The following XKR4 variants were observed in gnomAD, a reference collection of about 807,000 sequenced individuals.
XKR4 encodes XK-related protein 4.
XKR4 carries 12 observed loss-of-function variants against 53.9 expected under a neutral mutation model. The ratio of observed to expected loss-of-function variants is 0.22; its 90% CI spans 0.14 to 0.36. The LOEUF (loss-of-function observed/expected upper bound fraction) is 0.36. Ranked by LOEUF, XKR4 falls within the 10% of genes least tolerant of loss-of-function variation. The pLI is 1.00. For synonymous variants in XKR4, 354 were observed against 362.4 expected (o/e 0.98, Z 0.26); for missense variants, 799 against 859.5 (o/e 0.93, Z 0.88).
chr8:55,340,690 C>G (rs1050488587), intron 1 of XKR4, among the ~76,000 whole-genome samples: 2 of 152,202 alleles, frequency 1.3e-5, no homozygotes, highest in African/African-American at 4.8e-5. Flanking sequence ...GGCATCAAGA[C>G]TTTTCATTCC....
chr8:55,160,484 G>C (rs939980381), intron 1 of XKR4, among the ~76,000 whole-genome samples: 1 of 152,150 alleles, frequency 6.6e-6, no homozygotes, highest in Non-Finnish European at 1.5e-5. Context: ...TTTCAGATTG[G>C]TTGCTAACTG....
intron 2 of XKR4, among the ~76,000 whole-genome samples, chr8:55,426,173 T>C (rs552717840): frequency 1.3e-5 from 2 of 152,348 alleles, no homozygotes; most frequent in South Asian, 4.1e-4. Context: ...AAGTCTATAC[T>C]TGAGTTGAAA....
chr8:55,209,449 C>T (rs192784907), intron 1 of XKR4, among the ~76,000 whole-genome samples: 14 of 152,270 alleles, frequency 9.2e-5, no homozygotes, highest in Admixed American at 3.3e-4. Context: ...AGAGCCCGTG[C>T]GCTTAATTCC....
At chr8:55,141,155 A>G (rs1434049842) in intron 1 of XKR4, among the ~76,000 whole-genome samples, 1 of 151,730 alleles carries the variant, frequency 6.6e-6, no homozygotes, top group Non-Finnish European at 1.5e-5. Flanking sequence ...AGCCCTAAGC[A>G]ACCACTAATC....
At chr8:55,306,355 C>T (rs1279151820) in intron 1 of XKR4, among the ~76,000 whole-genome samples, 2 of 152,148 alleles carry the variant, frequency 1.3e-5, no homozygotes, top group African/African-American at 4.8e-5. Context: ...AGAAAAGCAG[C>T]TCCTAAAACA....
chr8:55,447,206 G>A (rs1203802320), intron 2 of XKR4, among the ~76,000 whole-genome samples: 1 of 152,174 alleles, frequency 6.6e-6, no homozygotes, highest in Non-Finnish European at 1.5e-5. Flanking sequence ...GGAATGTGCT[G>A]ATAATTAAAA....
At position 55,451,283 on chromosome 8, in the gene XKR4, G is replaced by A. The variant is rs1280158081; in HGVS notation, c.1007-71998G>A. The stretch of plus-strand genomic sequence containing the variant: ...TCCAGACACTGCCCCCACTTACCTC[G>A]GGGTGCAGTCAGTCTGGATGCCGCC... On this transcript the variant is annotated intron_variant, in intron 2 of 2. Transcript: ENST00000327381. 8.5e-6 allele frequency: 5 copies of A among 587,194 alleles called. No homozygotes were observed. The Admixed American group carries it at 1.2e-4, about 14-fold the overall frequency. The allele number at this position is 587,194 out of a possible 1,614,324, so 36.4% of individuals were successfully genotyped here.
intron 1 of XKR4, among the ~76,000 whole-genome samples, chr8:55,106,758 G>A (rs189748359): frequency 9.5e-4 from 144 of 152,224 alleles, no homozygotes; most frequent in Middle Eastern, 6.8e-3. Flanking sequence ...TGAGTCAGTG[G>A]ATGGTAGAGT....
At chr8:55,118,686 T>A (rs953038399) in intron 1 of XKR4, among the ~76,000 whole-genome samples, 1 of 152,246 alleles carries the variant, frequency 6.6e-6, no homozygotes, top group African/African-American at 2.4e-5. Flanking sequence ...AAGATGCTTC[T>A]CAAAAGTGAA....
At chr8:55,336,214 G>A (rs1803459521) in intron 1 of XKR4, among the ~76,000 whole-genome samples, 1 of 151,988 alleles carries the variant, frequency 6.6e-6, no homozygotes, top group Non-Finnish European at 1.5e-5. Flanking sequence ...TCTTTTCTGG[G>A]CTATTCTTGT....
At chr8:55,224,736 T>C (rs557293081) in intron 1 of XKR4, among the ~76,000 whole-genome samples, 1 of 152,326 alleles carries the variant, frequency 6.6e-6, no homozygotes, top group South Asian at 2.1e-4. Flanking sequence ...TAAACTCATT[T>C]AACTTTACAT....
rs528425474 is a variant in XKR4, at chr8:55,337,416, T to C, written c.807-20262T>C. 1.2e-4 allele frequency among the ~76,000 whole-genome samples: 18 copies of C among 152,336 alleles called. No homozygotes were observed. The South Asian group carries it at 3.7e-3, about 32-fold the overall frequency. On this transcript the variant is annotated intron_variant, in intron 1 of 2. Coordinates refer to ENST00000327381, the MANE Select transcript of XKR4 (RefSeq NM_052898.2). ...CATGCAATTTAATATTTCTTTATGA[T>C]ATTTTATGAATCAGGGCCATGTTTC...
intron 1 of XKR4, among the ~76,000 whole-genome samples, chr8:55,308,672 G>A (rs1243963656): frequency 6.6e-6 from 1 of 152,206 alleles, no homozygotes; most frequent in Admixed American, 6.5e-5. Flanking sequence ...TCAGAAAAAT[G>A]AAAATTTGTG....
In XKR4 at chr8:55,409,695, CT is replaced by C. The variant is rs569201538; in HGVS notation, c.1006+51819del. Among the ~76,000 whole-genome samples, 6 of 151,894 alleles carry C rather than the reference CT, an allele frequency of 4.0e-5. No individual in the cohort carries two copies. In the South Asian group the frequency reaches 1.2e-3, roughly 32 times the overall value. On this transcript the variant is annotated intron_variant, in intron 2 of 2. Coordinates refer to ENST00000327381, the MANE Select transcript of XKR4 (RefSeq NM_052898.2). ...TTCTTTAGGCATGCTAAAGTTTAAA[CT>C]AAATATAGCACTCCTATGCTTAGAT... is the stretch of plus-strand genomic sequence containing the variant.
intron 1 of XKR4, among the ~76,000 whole-genome samples, chr8:55,301,693 TG>T (rs1469404573): frequency 6.6e-6 from 1 of 152,204 alleles, no homozygotes; most frequent in Non-Finnish European, 1.5e-5. Context: ...CCATTCTAAC[TG>T]GTGTGAGATG....
chr8:55,430,141 A>G (rs1450084066), intron 2 of XKR4, among the ~76,000 whole-genome samples: 3 of 152,234 alleles, frequency 2.0e-5, no homozygotes, highest in Non-Finnish European at 2.9e-5. Flanking sequence ...AGATAACATC[A>G]AATGCTGGTG....
chr8:55,187,543 A>G (rs978566828), intron 1 of XKR4, among the ~76,000 whole-genome samples: 2 of 152,186 alleles, frequency 1.3e-5, no homozygotes, highest in Non-Finnish European at 2.9e-5. Context: ...CAGGAATCTG[A>G]CCATCAAGAC....
At chr8:55,328,725 C>T (rs1341653703) in intron 1 of XKR4, among the ~76,000 whole-genome samples, 2 of 152,166 alleles carry the variant, frequency 1.3e-5, no homozygotes, top group African/African-American at 2.4e-5. Context: ...TTTGAATGTG[C>T]CTCACTCAAC....
rs906390250 is a variant in XKR4 at position 55,525,848 on chromosome 8, A to G, written c.*1621A>G. 5 of 152,502 alleles carry G rather than the reference A, an allele frequency of 3.3e-5. No homozygotes were observed. Among genetic ancestry groups the G allele is most frequent in the Admixed American group, 3.3e-4 (5 of 15,286 alleles). The allele number at this position is 152,502 out of a possible 1,614,324, so 9.4% of individuals were successfully genotyped here. ...TGGGATGTCAGAAACTGGTCCACAA[A>G]TTCCATCAGCCTGCCTCAGCAGATT... On this transcript the variant is annotated 3_prime_UTR_variant, in exon 3 of 3. Transcript: ENST00000327381.
Sources: gnomAD v4.1 joint callset for allele counts (sites outside exome capture counted in the v4.1 genomes callset) on GRCh38, gnomAD v4.1.1 for gene constraint, MANE v1.5 for transcripts, NCBI Gene and HGNC (gene_info 2026-07-23, HGNC 2026-07-21) for gene names.